GSDMC: variants seen among roughly 807,000 people sequenced by gnomAD.
GSDMC encodes the protein gasdermin-C.
In GSDMC, 59 loss-of-function variants were observed where a neutral mutation model predicts 58.0. The observed-to-expected ratio is 1.02, with a 90% CI of 0.82 to 1.26. The LOEUF is 1.26. GSDMC is among the 50% of genes most tolerant of loss of function. The pLI is 0.00. For synonymous variants in GSDMC, 241 were observed against 220.2 expected, an observed-to-expected ratio of 1.09 and a Z score of -0.83; for missense variants, 659 against 598.5, an observed-to-expected ratio of 1.10 and a Z score of -1.06.
At position 129,777,365 on chromosome 8, in the gene GSDMC, T is replaced by C. The variant is rs779309420; in HGVS notation, c.220+3A>G. 1.3e-6 allele frequency: 2 copies of C among 1,587,608 alleles called. No individual in the cohort carries two copies. The highest frequency in any genetic ancestry group is 1.7e-6 in the Non-Finnish European group (2 of 1,156,126). On this transcript the variant is annotated splice_donor_region_variant and intron_variant, in intron 2 of 13. Transcript: ENST00000276708. ...CACCTCCTTGGCCTCTGGCTGACAA[T>C]ACCTAGGACTGAAGAACTTGGCTCC...
intron 3 of GSDMC, among the ~76,000 whole-genome samples, chr8:129,772,260 C>CAAAA (rs1161238758): frequency 1.1e-5 from 1 of 94,286 alleles, no homozygotes; most frequent in Non-Finnish European, 2.1e-5. Context: ...GACTCCGTCT[C>CAAAA]AAAAAAAAAA....
At chr8:129,724,554 T>G in the GSDMC span, among the ~76,000 whole-genome samples, 8 of 151,402 alleles carry the variant, frequency 5.3e-5, no homozygotes, top group Non-Finnish European at 1.2e-4. Flanking sequence ...TATTCCCTCC[T>G]GTATTCCTGG....
At chr8:129,715,843 TAAC>T in the GSDMC span, among the ~76,000 whole-genome samples, 1 of 152,124 alleles carries the variant, frequency 6.6e-6, no homozygotes, top group Non-Finnish European at 1.5e-5. Flanking sequence ...GCAAAAATAA[TAAC>T]AATGTAGTAC....
chr8:129,769,540 G>A (rs1042091580), intron 3 of GSDMC, among the ~76,000 whole-genome samples: 10 of 152,270 alleles, frequency 6.6e-5, no homozygotes, highest in Middle Eastern at 3.4e-3. Context: ...ATGGAAGATG[G>A]TGAAAAGCAG....
chr8:129,710,763 G>A, the GSDMC span, among the ~76,000 whole-genome samples: 1 of 152,238 alleles, frequency 6.6e-6, no homozygotes, highest in African/African-American at 2.4e-5. Context: ...AAGTGAATAG[G>A]GTCAAAGGTT....
At chr8:129,770,519 C>G (rs1464061528) in intron 3 of GSDMC, among the ~76,000 whole-genome samples, 1 of 151,930 alleles carries the variant, frequency 6.6e-6, no homozygotes, top group Non-Finnish European at 1.5e-5. Flanking sequence ...AGGTTGAAAC[C>G]CTCAAAAAAA....
intron 3 of GSDMC, among the ~76,000 whole-genome samples, chr8:129,769,786 A>G (rs896003943): frequency 1.3e-5 from 2 of 152,220 alleles, no homozygotes; most frequent in Non-Finnish European, 2.9e-5. Context: ...ACTGCCAAAC[A>G]AGAATAAAAA....
chr8:129,730,352 G>A, the GSDMC span: 2 of 1,310,290 alleles, frequency 1.5e-6, 1 homozygote, highest in South Asian at 2.6e-5. Flanking sequence ...AAACTGTTAT[G>A]CAAGGAGATT....
chr8:129,736,990 C>T, the GSDMC span, among the ~76,000 whole-genome samples: 98 of 152,254 alleles, frequency 6.4e-4, no homozygotes, highest in Admixed American at 1.2e-3. Flanking sequence ...TTCTTATACA[C>T]CAATAACAGA....
At chr8:129,714,878 CT>C in the GSDMC span, among the ~76,000 whole-genome samples, 1 of 152,206 alleles carries the variant, frequency 6.6e-6, no homozygotes, top group East Asian at 1.9e-4. Context: ...GATGATTTTT[CT>C]TCTCTTAAAT....
intron 3 of GSDMC, among the ~76,000 whole-genome samples, chr8:129,775,310 G>A (rs2034187524): frequency 6.6e-6 from 1 of 152,176 alleles, no homozygotes; most frequent in Non-Finnish European, 1.5e-5. Flanking sequence ...AAGTCAAACA[G>A]AGAAATACAA....
the GSDMC span, among the ~76,000 whole-genome samples, chr8:129,725,607 C>T: frequency 3.9e-5 from 6 of 152,258 alleles, no homozygotes; most frequent in East Asian, 7.7e-4. Context: ...AGTCTCGCCA[C>T]GACCACAATA....
chr8:129,726,633 GA>G, the GSDMC span, among the ~76,000 whole-genome samples: 1 of 152,112 alleles, frequency 6.6e-6, no homozygotes, highest in Non-Finnish European at 1.5e-5. Flanking sequence ...GGTATCTATT[GA>G]AACTAGAATT....
chr8:129,735,657 G>C, the GSDMC span, among the ~76,000 whole-genome samples: 114 of 152,320 alleles, frequency 7.5e-4, 1 homozygote, highest in African/African-American at 2.6e-3. Context: ...ATTTAAAGCA[G>C]TGTGTACAGG....
intron 6 of GSDMC, among the ~76,000 whole-genome samples, chr8:129,757,929 T>C (rs2033506328): frequency 6.6e-6 from 1 of 152,040 alleles, no homozygotes; most frequent in Non-Finnish European, 1.5e-5. Context: ...AGGCAGAGGT[T>C]GCAGTGAGCC....
At chr8:129,742,378 T>C in the GSDMC span, among the ~76,000 whole-genome samples, 24 of 152,226 alleles carry the variant, frequency 1.6e-4, no homozygotes, top group African/African-American at 5.5e-4. Context: ...TTTTGCCCCA[T>C]AAAAATATAC....
intron 6 of GSDMC, among the ~76,000 whole-genome samples, chr8:129,753,226 A>T (rs571474749): frequency 1.3e-5 from 2 of 152,178 alleles, no homozygotes; most frequent in African/African-American, 2.4e-5. Context: ...GCTCACAGAA[A>T]TGAAAGTGTC....
chr8:129,730,190 C>G, the GSDMC span: 2 of 1,188,360 alleles, frequency 1.7e-6, no homozygotes, highest in Non-Finnish European at 1.2e-6. Flanking sequence ...TAAAACTGTA[C>G]AACATGTATC....
rs369892614 is a variant in GSDMC at position 129,750,520 on chromosome 8, G to A, written c.994C>T (p.Gln332Ter). Residue 332 changes from glutamine to a stop codon, truncating the protein, a stop_gained, in exon 11 of 14, where the codon CAG becomes TAG. Coordinates refer to ENST00000276708, the MANE Select transcript of GSDMC (RefSeq NM_031415.3). LOFTEE classifies it high-confidence loss of function. ...ACATCCTGAACATCCTTTGAGAGCT[G>A]AGCCAGTGTCTTTATTTTCTGGAAA... ...EVFQKIKTLA[Q>*]LSKDVQDVMF... 4.3e-6 allele frequency: 7 copies of A among 1,613,760 alleles called. No individual in the cohort carries two copies. The African/African-American group carries it at 8.0e-5, about 18-fold the overall frequency.
Sources: allele counts gnomAD v4.1 joint callset (sites outside exome capture counted in the v4.1 genomes callset), GRCh38; gene constraint gnomAD v4.1.1; transcripts MANE v1.5; gene names NCBI Gene and HGNC (gene_info 2026-07-23, HGNC 2026-07-21).